Variants in USH2A observed in about 807,000 individuals in gnomAD.
The protein encoded by USH2A is usherin.
USH2A carries 443 observed loss-of-function variants against 538.9 expected under a neutral mutation model. The ratio of observed to expected loss-of-function variants is 0.82; its 90% CI spans 0.76 to 0.89. The LOEUF is 0.89. USH2A is among the 40% of genes least tolerant of loss of function. The probability of loss-of-function intolerance (pLI) is 0.00; values close to 1 mark genes in which losing one functional copy is unlikely to be tolerated. For synonymous variants in USH2A, 2,413 were observed against 2,273.5 expected (o/e 1.06, Z -1.75); for missense variants, 6,633 against 6,324.8 (o/e 1.05, Z -1.65).
intron 66 of USH2A, 85 bp from the exon 67 acceptor site, chr1:215,647,815 G>T: frequency 6.6e-7 from 1 of 1,507,932 alleles, no homozygotes; most frequent in East Asian, 2.3e-5. Context: ...TATTTTGTGA[G>T]GAGACATTTT....
At chr1:215,961,322 GA>G (rs1338621067) in intron 37 of USH2A, among the ~76,000 whole-genome samples, 2 of 151,396 alleles carry the variant, frequency 1.3e-5, no homozygotes, top group Admixed American at 1.3e-4. Flanking sequence ...AAATATTAAT[GA>G]ATACACAACA....
intron 11 of USH2A, among the ~76,000 whole-genome samples, chr1:216,285,237 G>GC (rs551949687): frequency 4.7e-4 from 72 of 152,172 alleles, no homozygotes; most frequent in African/African-American, 1.4e-3. Flanking sequence ...TGGGCCCAGG[G>GC]CCCCCCCACT....
intron 21 of USH2A, among the ~76,000 whole-genome samples, chr1:216,130,981 AT>A (rs1215695489): frequency 6.6e-5 from 10 of 151,264 alleles, no homozygotes; most frequent in Non-Finnish European, 1.3e-4. Flanking sequence ...TTATTTTTTT[AT>A]TTTTTTGATT....
intron 32 of USH2A, among the ~76,000 whole-genome samples, chr1:216,014,519 T>C (rs554031014): frequency 6.6e-6 from 1 of 152,340 alleles, no homozygotes; most frequent in East Asian, 1.9e-4. Context: ...ATTCAAACAA[T>C]TGCAGGTATG....
intron 35 of USH2A, among the ~76,000 whole-genome samples, chr1:215,980,417 C>T (rs1179096283): frequency 1.3e-5 from 2 of 152,230 alleles, no homozygotes; most frequent in South Asian, 2.1e-4. Flanking sequence ...ATTCTTTCTA[C>T]ATTTTAAAAA....
At chr1:216,353,852 G>A (rs910409861) in intron 4 of USH2A, among the ~76,000 whole-genome samples, 13 of 152,146 alleles carry the variant, frequency 8.5e-5, no homozygotes, top group South Asian at 2.1e-4. Context: ...AATGTAGAGC[G>A]CACAGAAAAA....
chr1:215,650,244 A>G (rs747752743), intron 65 of USH2A, among the ~76,000 whole-genome samples: 1 of 152,160 alleles, frequency 6.6e-6, no homozygotes, highest in Admixed American at 6.5e-5. Flanking sequence ...CCATTTGCCA[A>G]CTTCTTACTA....
chr1:215,713,126 T>C (rs193090976), intron 61 of USH2A, among the ~76,000 whole-genome samples: 1 of 152,330 alleles, frequency 6.6e-6, no homozygotes, highest in East Asian at 1.9e-4. Context: ...CTTTTCCTTT[T>C]TTTGAAATTC....
chr1:215,816,513 T>G (rs1332244087), intron 48 of USH2A, among the ~76,000 whole-genome samples: 3 of 152,080 alleles, frequency 2.0e-5, no homozygotes, highest in Admixed American at 6.6e-5. Context: ...ACTAAGGATT[T>G]TGTGTTGTTT....
intron 35 of USH2A, among the ~76,000 whole-genome samples, chr1:215,984,657 A>G (rs192687107): frequency 3.8e-4 from 58 of 152,374 alleles, no homozygotes; most frequent in African/African-American, 1.3e-3. Context: ...CAAGTACAAT[A>G]CAATGTAAAT....
chr1:216,148,141 A>G lies in USH2A; in HGVS notation c.4627+27111T>C, dbSNP rs554112342. Among the ~76,000 whole-genome samples the G allele has an allele frequency of 4.6e-5, 7 of 151,562 alleles. No individual in the cohort carries two copies. In the East Asian group the frequency reaches 5.8e-4, roughly 13 times the overall value. On this transcript the variant is annotated intron_variant, in intron 21 of 71. Transcript: ENST00000307340. ...TCAATACGGAGGCTACCCACTCCAC[A>G]TTACCCTCTTTTCAAGGGCCTGTTT... is the stretch of plus-strand genomic sequence containing the variant.
intron 21 of USH2A, among the ~76,000 whole-genome samples, chr1:216,163,489 A>T (rs2034104816): frequency 6.6e-6 from 1 of 151,550 alleles, no homozygotes; most frequent in African/African-American, 2.4e-5. Flanking sequence ...TATTTATCTT[A>T]TCTTTTGGTT....
At chr1:216,287,084 A>G (rs1383631389) in intron 11 of USH2A, among the ~76,000 whole-genome samples, 1 of 152,254 alleles carries the variant, frequency 6.6e-6, no homozygotes, top group African/African-American at 2.4e-5. Flanking sequence ...TATGAAAAGA[A>G]TTACACACAA....
intron 38 of USH2A, among the ~76,000 whole-genome samples, chr1:215,904,179 C>T (rs1322632374): frequency 1.3e-5 from 2 of 151,926 alleles, no homozygotes; most frequent in African/African-American, 4.8e-5. Flanking sequence ...AATCCAAATT[C>T]TGAATTTCAA....
intron 49 of USH2A, among the ~76,000 whole-genome samples, chr1:215,806,987 T>C (rs563882791): frequency 6.6e-6 from 1 of 152,200 alleles, no homozygotes; most frequent in Non-Finnish European, 1.5e-5. Flanking sequence ...CTTACCATGG[T>C]AAGCACAACA....
intron 9 of USH2A, among the ~76,000 whole-genome samples, chr1:216,319,809 A>G (rs1430724676): frequency 5.3e-5 from 8 of 152,216 alleles, no homozygotes; most frequent in Non-Finnish European, 1.5e-5. Context: ...CAGAGTAAGA[A>G]TCAGAAGACA....
At chr1:216,074,194 G>C (rs555131433) in intron 27 of USH2A, among the ~76,000 whole-genome samples, 9 of 152,228 alleles carry the variant, frequency 5.9e-5, no homozygotes, top group Non-Finnish European at 8.8e-5. Flanking sequence ...GGGAATAGCA[G>C]TGGCTTTGAA....
At chr1:215,911,662 A>G (rs1276711785) in intron 38 of USH2A, among the ~76,000 whole-genome samples, 1 of 152,080 alleles carries the variant, frequency 6.6e-6, no homozygotes, top group African/African-American at 2.4e-5. Flanking sequence ...CAGTGCTGAA[A>G]CAAACATAGG....
intron 21 of USH2A, among the ~76,000 whole-genome samples, chr1:216,133,338 T>C (rs1413157750): frequency 1.3e-5 from 2 of 152,078 alleles, no homozygotes; most frequent in Non-Finnish European, 2.9e-5. Context: ...ATCAGCTCCA[T>C]TATCTTCTCA....
Sources: allele counts gnomAD v4.1 joint callset (sites outside exome capture counted in the v4.1 genomes callset), GRCh38; gene constraint gnomAD v4.1.1; transcripts MANE v1.5; gene names NCBI Gene and HGNC (gene_info 2026-07-23, HGNC 2026-07-21).